IL24: variants seen among roughly 807,000 people sequenced by gnomAD.
IL24 encodes interleukin-24.
Under a neutral mutation model 27.6 loss-of-function variants are expected in IL24, and 24 were observed. The observed-to-expected ratio is 0.87, with a 90% CI of 0.63 to 1.22. IL24 has a LOEUF of 1.22. Ranked by LOEUF, IL24 falls within the 50% of genes most tolerant of loss-of-function variation. The pLI, the probability that IL24 is intolerant of heterozygous loss-of-function variation, is 0.00. For missense variants in IL24, 240 were observed against 237.0 expected, an observed-to-expected ratio of 1.01 and a Z score of -0.08; for synonymous variants, 99 against 93.1, an observed-to-expected ratio of 1.06 and a Z score of -0.36.
chr1:206,902,140 G>A (rs976225422), intron 6 of IL24, 68 bp downstream of exon 6: 17 of 1,595,556 alleles, frequency 1.1e-5, no homozygotes, highest in East Asian at 2.2e-5. Flanking sequence ...ACACGAGGGC[G>A]CCTCAGAGAC....
rs376493626 is a variant in IL24, at chr1:206,901,993, T to A, written c.463-5T>A. 5.0e-6 allele frequency: 8 copies of A among 1,613,998 alleles called. No homozygotes were observed. Among genetic ancestry groups the A allele is most frequent in the Non-Finnish European group, 6.8e-6 (8 of 1,179,920 alleles). On this transcript the variant is annotated splice_polypyrimidine_tract_variant and splice_region_variant and intron_variant, in intron 5 of 6. Coordinates refer to ENST00000294984, the MANE Select transcript of IL24 (RefSeq NM_006850.3). ...TGGCACAACTTCTTTTCCCATGTTA[T>A]GTAGCAAGAAAATGAGATGTTTTCC...
intron 2 of IL24, 87 bp from the exon 3 acceptor site, chr1:206,899,233 C>T (rs919737335): frequency 4.5e-5 from 63 of 1,391,478 alleles, no homozygotes; most frequent in South Asian, 1.8e-4. Context: ...GAGATTGGCC[C>T]GGGGAGACCC....
At chr1:206,902,571 T>C in intron 6 of IL24, 1 of 985,340 alleles carries the variant, frequency 1.0e-6, no homozygotes, top group Non-Finnish European at 1.2e-6. Context: ...GATCACTTTT[T>C]TTTTTTTGAG....
chr1:206,902,342 G>A (rs1330722906), intron 6 of IL24: 1 of 985,224 alleles, frequency 1.0e-6, no homozygotes, highest in African/African-American at 1.7e-5. Context: ...TGTTTTGTAG[G>A]TACTTGGGCT....
intron 4 of IL24, among the ~76,000 whole-genome samples, 166 bp from the exon 5 acceptor site, chr1:206,901,328 C>T (rs567707860): frequency 6.6e-6 from 1 of 152,272 alleles, no homozygotes; most frequent in Admixed American, 6.5e-5. Flanking sequence ...AAGACCTGCT[C>T]TCCATGGCCC....
Position 206,899,309 on chromosome 1 carries a change from T to C in IL24, c.45-11T>C, listed in dbSNP as rs761082611. The C allele has an allele frequency of 1.2e-6, 2 of 1,611,922 alleles. No individual in the cohort carries two copies. Among genetic ancestry groups the C allele is most frequent in the Non-Finnish European group, 1.7e-6 (2 of 1,179,260 alleles). On this transcript the variant is annotated splice_polypyrimidine_tract_variant and intron_variant, in intron 2 of 6. Transcript: ENST00000294984. ...GCCGGCCTCACAGGCTGCCTCCCTTTCTTTCAGCAGACCCTTCTGCCCTCC... is the reference window on the plus strand; with the variant it reads ...GCCGGCCTCACAGGCTGCCTCCCTTCCTTTCAGCAGACCCTTCTGCCCTCC...
rs1338731742 is a variant in IL24, at chr1:206,897,797, T to C, written c.-36T>C. On this transcript the variant is annotated 5_prime_UTR_variant, in exon 2 of 7. Coordinates refer to ENST00000294984, the MANE Select transcript of IL24 (RefSeq NM_006850.3). ...TAACACCAAGAAGAATTGAGGCTGC[T>C]TGGGAGGAAGGCCAGGAGGAACACG... The C allele has an allele frequency of 3.7e-6, 6 of 1,612,112 alleles. No individual in the cohort carries two copies. Among genetic ancestry groups the C allele is most frequent in the Admixed American group, 1.7e-5 (1 of 59,872 alleles).
In IL24 at chr1:206,900,322, C is replaced by G. The variant is rs906626268; in HGVS notation, c.268C>G (p.Arg90Gly). ...MQAQDNITSA[R>G]LLQQEVLQNV... The stretch of plus-strand genomic sequence containing the variant: ...AGCTCAGGATAACATCACGAGTGCC[C>G]GGCTGCTGCAGCAGGAGGTTCTGCA... The change falls in exon 4 of 7, where the codon CGG becomes GGG. Residue 90 changes from arginine (R) to glycine (G), a missense_variant. Arg to Gly is a moderately radical substitution (Grantham distance 125). Transcript: ENST00000294984. 6.2e-7 allele frequency: 1 copy of G among 1,613,660 alleles called. No individual in the cohort carries two copies. Among genetic ancestry groups the G allele is most frequent in the Admixed American group, 1.7e-5 (1 of 59,980 alleles).
intron 2 of IL24, among the ~76,000 whole-genome samples, chr1:206,898,244 GC>G (rs1444625160): frequency 6.6e-6 from 1 of 150,740 alleles, no homozygotes; most frequent in Non-Finnish European, 1.5e-5. Flanking sequence ...CTAAAGCATA[GC>G]CCCCGTCCCC....
chr1:206,898,434 A>T (rs1678242877), intron 2 of IL24, among the ~76,000 whole-genome samples: 1 of 151,866 alleles, frequency 6.6e-6, no homozygotes, highest in African/African-American at 2.4e-5. Context: ...AAAGGGAGAA[A>T]GTAAGAAAGG....
intron 6 of IL24, chr1:206,902,581 G>A (rs1678435440): frequency 1.0e-6 from 1 of 983,746 alleles, no homozygotes; most frequent in Non-Finnish European, 1.2e-6. Flanking sequence ...TTTTTTTTGA[G>A]GAAGAGATGC....
In IL24 at chr1:206,899,384, G is replaced by A; in HGVS notation, c.109G>A (p.Gly37Ser). 1 of 1,614,186 alleles carries A rather than the reference G, an allele frequency of 6.2e-7. No individual in the cohort carries two copies. Among genetic ancestry groups the A allele is most frequent in the Non-Finnish European group, 8.5e-7 (1 of 1,180,018 alleles). Residue 37 changes from glycine (G) to serine (S), a missense_variant, in exon 3 of 7, where the codon GGT becomes AGT. Coordinates refer to ENST00000294984, the MANE Select transcript of IL24 (RefSeq NM_006850.3). ...QMQMVVLPCL[G>S]FTLLLWSQVS... ...GCAGATGGTTGTGCTCCCTTGCCTG[G>A]GTTTTACCCTGCTTCTCTGGAGCCA...
intron 3 of IL24, 48 bp downstream of exon 3, chr1:206,899,563 A>G: frequency 7.0e-7 from 1 of 1,429,432 alleles, no homozygotes; most frequent in Non-Finnish European, 9.4e-7. Flanking sequence ...TCCTGGGGGC[A>G]GTGGGCCAGT....
chr1:206,902,840 G>T, intron 6 of IL24, 136 bp from the exon 7 acceptor site: 1 of 1,551,628 alleles, frequency 6.4e-7, no homozygotes, highest in Non-Finnish European at 8.7e-7. Flanking sequence ...ACAGGCAGGT[G>T]GGTTCATCAG....
chr1:206,902,229 T>G, intron 6 of IL24, 157 bp downstream of exon 6: 1 of 985,432 alleles, frequency 1.0e-6, no homozygotes. Context: ...CAGTTATATT[T>G]GCAGAAGCAT....
At chr1:206,902,691 T>A (rs1678441985) in intron 6 of IL24, 1 of 985,234 alleles carries the variant, frequency 1.0e-6, no homozygotes, top group African/African-American at 1.7e-5. Context: ...GTGGGCCATA[T>A]CCATCCCATA....
Position 206,903,171 on chromosome 1 carries a change from T to C in IL24, c.*112T>C, listed in dbSNP as rs909385340. 1.6e-5 allele frequency: 14 copies of C among 899,882 alleles called. No individual in the cohort carries two copies. In the African/African-American group the frequency reaches 2.0e-4, roughly 13 times the overall value. The allele number at this position is 899,882 out of a possible 1,614,324, so 55.7% of individuals were successfully genotyped here. A position where few individuals can be genotyped will look rare whatever the true frequency, so the allele number is the denominator to read the frequency against. ...GACACTTCACGCCCTTGGCCATGGG[T>C]CCCATTCTTGGCCCAGGATTATTGT... On this transcript the variant is annotated 3_prime_UTR_variant, in exon 7 of 7. Transcript: ENST00000294984.
chr1:206,899,202 C>T (rs1222218751), intron 2 of IL24, 118 bp from the exon 3 acceptor site: 1 of 1,037,090 alleles, frequency 9.6e-7, no homozygotes, highest in African/African-American at 1.6e-5. Context: ...ATAGTCTCAA[C>T]TTGCCCATTG....
intron 2 of IL24, 154 bp from the exon 3 acceptor site, chr1:206,899,166 C>G: frequency 1.4e-6 from 1 of 733,978 alleles, no homozygotes; most frequent in Non-Finnish European, 2.2e-6. Context: ...ACCCCCACTG[C>G]ACCTTAGCAA....
Sources: allele counts gnomAD v4.1 joint callset (sites outside exome capture counted in the v4.1 genomes callset), GRCh38; gene constraint gnomAD v4.1.1; transcripts MANE v1.5; gene names NCBI Gene and HGNC (gene_info 2026-07-23, HGNC 2026-07-21).